CDH3: variants seen among roughly 807,000 people sequenced by gnomAD.
CDH3 encodes the protein cadherin-3.
In CDH3, 54 loss-of-function variants were observed where a neutral mutation model predicts 82.0. The observed-to-expected ratio is 0.66, with a 90% CI of 0.53 to 0.83. CDH3 has a LOEUF of 0.83. CDH3 is among the 40% of genes least tolerant of loss of function. CDH3 has a pLI of 0.00. For synonymous variants in CDH3, 446 were observed against 437.9 expected (o/e 1.02, Z -0.23); for missense variants, 1,054 against 1,084.6 (o/e 0.97, Z 0.40).
chr16:68,723,061 T>C (rs1962181914), intron 2 of CDH3, among the ~76,000 whole-genome samples: 1 of 151,794 alleles, frequency 6.6e-6, no homozygotes, highest in Non-Finnish European at 1.5e-5. Context: ...TTTTTTTTTT[T>C]TTTATCTTTT....
intron 2 of CDH3, among the ~76,000 whole-genome samples, chr16:68,667,466 A>G (rs200681617): frequency 3.0e-4 from 45 of 152,190 alleles, no homozygotes; most frequent in South Asian, 1.0e-3. Context: ...CATTTTGTCT[A>G]CGGAAAGATG....
In CDH3 at chr16:68,682,404, C is replaced by T. The variant is rs548335763; in HGVS notation, c.1099C>T (p.Leu367Phe). ...CTCACCAGCGTGGCGTGCCACCTAC[C>T]TTATCATGGGCGGTGACGACGGGGA... ...PNSPAWRATY[L>F]IMGGDDGDHF... Residue 367 changes from leucine (L) to phenylalanine (F), a missense_variant, in exon 9 of 16, where the codon CTT becomes TTT. Leu to Phe is a conservative substitution (Grantham distance 22, BLOSUM62 0). Transcript: ENST00000264012. 2.5e-6 allele frequency: 4 copies of T among 1,614,128 alleles called. No homozygotes were observed. The South Asian group carries it at 3.3e-5, about 13-fold the overall frequency.
chr16:68,688,829 A>G (rs1961487106), intron 12 of CDH3, among the ~76,000 whole-genome samples: 1 of 152,090 alleles, frequency 6.6e-6, no homozygotes, highest in African/African-American at 2.4e-5. Context: ...CATGTTGGCC[A>G]GGCTGGTCTT....
At chr16:68,646,003 C>G in intron 2 of CDH3, 2 of 528,542 alleles carry the variant, frequency 3.8e-6, no homozygotes, top group East Asian at 3.3e-5. Flanking sequence ...TCCGAGATGC[C>G]GGATGGCTGA....
chr16:68,685,372 T>TC (rs778757053), intron 11 of CDH3, 22 bp downstream of exon 11: 1 of 1,613,204 alleles, frequency 6.2e-7, no homozygotes, highest in Non-Finnish European at 8.5e-7. Context: ...CTCCCAGCCC[T>TC]CCCACAAGGG....
intron 1 of CDH3, among the ~76,000 whole-genome samples, chr16:68,722,004 G>T (rs536939833): frequency 1.6e-3 from 246 of 152,206 alleles, no homozygotes; most frequent in Non-Finnish European, 2.7e-3. Context: ...CAGGAGAATT[G>T]CTTGAACCTG....
At chr16:68,663,009 C>T (rs1006042837) in intron 2 of CDH3, among the ~76,000 whole-genome samples, 1 of 150,400 alleles carries the variant, frequency 6.6e-6, no homozygotes, top group Admixed American at 6.7e-5. Context: ...GCTGGGACTA[C>T]AGGTGCCTGC....
intron 1 of CDH3, among the ~76,000 whole-genome samples, chr16:68,721,148 T>G (rs981703968): frequency 1.3e-5 from 2 of 151,942 alleles, no homozygotes; most frequent in Non-Finnish European, 2.9e-5. Flanking sequence ...TACTAAATCA[T>G]GTGACATTCC....
downstream of CDH3, among the ~76,000 whole-genome samples, chr16:68,703,883 G>A (rs955339230): frequency 6.6e-6 from 1 of 150,846 alleles, no homozygotes; most frequent in Non-Finnish European, 1.5e-5. Flanking sequence ...GGAGGCAGAG[G>A]TTGCAGTGAG....
At chr16:68,687,882 A>G in intron 12 of CDH3, 146 bp downstream of exon 12, 4 of 680,760 alleles carry the variant, frequency 5.9e-6, no homozygotes, top group Non-Finnish European at 8.0e-6. Flanking sequence ...ATCAGATGCT[A>G]TTTATTAACC....
rs576771918 is a variant in CDH3, at chr16:68,708,425, C to T, written c.99+12502C>T. Among the ~76,000 whole-genome samples the T allele has an allele frequency of 6.6e-5, 10 of 152,066 alleles. No homozygotes were observed. The East Asian group carries it at 1.9e-3, about 29-fold the overall frequency. ...TTTCACTCCAAATCAAACCACGTTT[C>T]CTCAGAGCCTCTGCACTTGCTGTGC... is the stretch of plus-strand genomic sequence containing the variant. On this transcript the variant is annotated intron_variant, in intron 1 of 2. Coordinates refer to the CDH3 transcript ENST00000569080.
At chr16:68,687,859 C>T in intron 12 of CDH3, 123 bp downstream of exon 12, 1 of 719,214 alleles carries the variant, frequency 1.4e-6, no homozygotes, top group Non-Finnish European at 2.5e-6. Flanking sequence ...CAATGATCTC[C>T]TCTAGAACCT....
intron 2 of CDH3, among the ~76,000 whole-genome samples, chr16:68,666,828 G>C (rs1000963256): frequency 6.6e-6 from 1 of 152,142 alleles, no homozygotes; most frequent in African/African-American, 2.4e-5. Flanking sequence ...TAAGGCTGTA[G>C]ATTAGGCATT....
chr16:68,686,255 G>T (rs976949496), intron 11 of CDH3: 6 of 611,958 alleles, frequency 9.8e-6, no homozygotes, highest in Non-Finnish European at 1.5e-5. Flanking sequence ...GGGGCGAGCG[G>T]CAAGGGCTGG....
Position 68,691,720 on chromosome 16 carries a change from G to C in CDH3, c.1796G>C (p.Gly599Ala). 6.2e-7 allele frequency: 1 copy of C among 1,612,804 alleles called. No individual in the cohort carries two copies. The highest frequency in any genetic ancestry group is 1.1e-5 in the South Asian group (1 of 91,046). Residue 599 changes from glycine to alanine, a missense_variant and splice_region_variant, in exon 13 of 16, where the codon GGT becomes GCT. Coordinates refer to ENST00000264012, the MANE Select transcript of CDH3 (RefSeq NM_001793.6). ...IYWTAEVNEE[G>A]DTVVLSLKKF... Reference sequence around the variant, plus strand: ...CTAATCAATGATCTGTTCACTCCAGGTGACACAGTGGTCTTGTCCCTGAAG... The same window carrying C: ...CTAATCAATGATCTGTTCACTCCAGCTGACACAGTGGTCTTGTCCCTGAAG...
intron 2 of CDH3, among the ~76,000 whole-genome samples, chr16:68,660,471 T>C (rs199974238): frequency 9.6e-4 from 147 of 152,378 alleles, no homozygotes; most frequent in Non-Finnish European, 1.7e-3. Context: ...TCTCAAGTTT[T>C]TCTTTAGATT....
chr16:68,651,135 G>A (rs979059506), intron 2 of CDH3: 2 of 454,806 alleles, frequency 4.4e-6, no homozygotes, highest in Non-Finnish European at 8.9e-6. Flanking sequence ...GGCCTTGTGG[G>A]CAGTAGTTGG....
chr16:68,655,306 G>C (rs1476609284), intron 2 of CDH3, among the ~76,000 whole-genome samples: 1 of 152,104 alleles, frequency 6.6e-6, no homozygotes, highest in Non-Finnish European at 1.5e-5. Flanking sequence ...AATTTGAAAT[G>C]GTCATTCAGC....
intron 15 of CDH3, chr16:68,697,010 A>C (rs889263457): frequency 7.6e-6 from 1 of 131,844 alleles, no homozygotes; most frequent in Admixed American, 8.5e-5. Flanking sequence ...TGGGCAACAA[A>C]GGGAGACTCC....
Sources: allele counts gnomAD v4.1 joint callset (sites outside exome capture counted in the v4.1 genomes callset), GRCh38; gene constraint gnomAD v4.1.1; transcripts MANE v1.5; gene names NCBI Gene and HGNC (gene_info 2026-07-23, HGNC 2026-07-21).